MCTP1: variants seen among roughly 807,000 people sequenced by gnomAD.
MCTP1 encodes multiple C2 and transmembrane domain-containing protein 1.
A neutral mutation model predicts 120.6 loss-of-function variants in MCTP1; 69 were observed. The observed-to-expected ratio is 0.57, with a 90% CI of 0.47 to 0.70. The LOEUF is 0.70. Ranked by LOEUF, MCTP1 falls within the 30% of genes least tolerant of loss-of-function variation. MCTP1 has a pLI of 0.00. For synonymous variants in MCTP1, 529 were observed against 493.1 expected, an observed-to-expected ratio of 1.07 and a Z score of -0.96; for missense variants, 1,203 against 1,248.8, an observed-to-expected ratio of 0.96 and a Z score of 0.55.
intron 2 of MCTP1, among the ~76,000 whole-genome samples, chr5:94,968,392 A>G (rs141921525): frequency 2.4e-3 from 362 of 152,240 alleles, no homozygotes; most frequent in South Asian, 3.5e-3. Flanking sequence ...TCTTGAGTGC[A>G]TCTTTTAGGA....
intron 1 of MCTP1, among the ~76,000 whole-genome samples, chr5:95,036,096 A>G (rs933382043): frequency 6.6e-6 from 1 of 152,126 alleles, no homozygotes; most frequent in Non-Finnish European, 1.5e-5. Context: ...AATGTCATGA[A>G]AAAGTGCATA....
intron 19 of MCTP1, among the ~76,000 whole-genome samples, chr5:94,739,962 C>T (rs993415225): frequency 2.6e-5 from 4 of 152,190 alleles, no homozygotes; most frequent in African/African-American, 2.4e-5. Flanking sequence ...GCCACTGTGC[C>T]CGGCCTGTTT....
At chr5:95,173,456 C>T (rs1747590740) in intron 1 of MCTP1, among the ~76,000 whole-genome samples, 1 of 152,120 alleles carries the variant, frequency 6.6e-6, no homozygotes, top group African/African-American at 2.4e-5. Flanking sequence ...CAAGGAGAGA[C>T]TCCTAATAAC....
chr5:94,930,505 C>G (rs2153478206), intron 6 of MCTP1, among the ~76,000 whole-genome samples: 1 of 151,996 alleles, frequency 6.6e-6, no homozygotes, highest in African/African-American at 2.4e-5. Context: ...AACTCCTGAC[C>G]TCAAGTAATC....
At chr5:95,079,383 A>G (rs776950455) in intron 1 of MCTP1, among the ~76,000 whole-genome samples, 1 of 152,132 alleles carries the variant, frequency 6.6e-6, no homozygotes, top group Non-Finnish European at 1.5e-5. Context: ...CTCCAAAACT[A>G]GAGGTTTTCT....
At chr5:94,814,985 C>T (rs1443935611) in intron 17 of MCTP1, among the ~76,000 whole-genome samples, 1 of 152,166 alleles carries the variant, frequency 6.6e-6, no homozygotes, top group Non-Finnish European at 1.5e-5. Context: ...ATAGTACCAC[C>T]TATCAGGAAA....
intron 19 of MCTP1, among the ~76,000 whole-genome samples, chr5:94,736,363 G>A (rs1319454162): frequency 6.6e-6 from 1 of 151,976 alleles, no homozygotes; most frequent in Non-Finnish European, 1.5e-5. Context: ...CATGCCTCTG[G>A]TCCCAACCAC....
intron 18 of MCTP1, chr5:94,789,120 G>A (rs1231633994): frequency 1.3e-5 from 2 of 152,166 alleles, no homozygotes; most frequent in African/African-American, 4.8e-5. Context: ...AAAGGAGTTG[G>A]GGAAGAAATC....
At chr5:94,997,638 G>A (rs904309156) in intron 2 of MCTP1, among the ~76,000 whole-genome samples, 1 of 152,154 alleles carries the variant, frequency 6.6e-6, no homozygotes, top group African/African-American at 2.4e-5. Context: ...TTCTGCCCCT[G>A]TACTACCTAT....
intron 19 of MCTP1, among the ~76,000 whole-genome samples, chr5:94,730,273 C>T (rs973831028): frequency 6.6e-6 from 1 of 152,228 alleles, no homozygotes; most frequent in African/African-American, 2.4e-5. Context: ...AATCCTCCCA[C>T]CTCAGCCTCC....
chr5:94,977,982 G>A (rs1828498862), intron 2 of MCTP1, among the ~76,000 whole-genome samples: 1 of 151,904 alleles, frequency 6.6e-6, no homozygotes, highest in African/African-American at 2.4e-5. Context: ...ATCAGATAAG[G>A]GGTTAGTTTC....
chr5:95,235,613 A>C (rs1755457507), intron 1 of MCTP1, among the ~76,000 whole-genome samples: 2 of 152,178 alleles, frequency 1.3e-5, no homozygotes, highest in Non-Finnish European at 2.9e-5. Context: ...AAAAGTTAGA[A>C]ATTTTTTTTA....
intron 17 of MCTP1, among the ~76,000 whole-genome samples, chr5:94,803,702 G>T (rs1350140890): frequency 6.6e-6 from 1 of 152,120 alleles, no homozygotes; most frequent in African/African-American, 2.4e-5. Flanking sequence ...CATAGCTAAT[G>T]ATTGTTTCAA....
intron 1 of MCTP1, among the ~76,000 whole-genome samples, chr5:95,181,001 A>T (rs74817742): frequency 0.02 from 3,089 of 152,224 alleles, 103 homozygotes; most frequent in African/African-American, 0.07. Context: ...CCTATTGCTA[A>T]AACCCTGGTC....
intron 19 of MCTP1, among the ~76,000 whole-genome samples, chr5:94,758,787 A>C (rs948054181): frequency 6.6e-6 from 1 of 152,188 alleles, no homozygotes; most frequent in African/African-American, 2.4e-5. Flanking sequence ...AAAATGCACA[A>C]TTTTGTTATC....
intron 6 of MCTP1, among the ~76,000 whole-genome samples, chr5:94,926,771 C>A (rs1262419809): frequency 6.6e-6 from 1 of 152,158 alleles, no homozygotes; most frequent in East Asian, 1.9e-4. Flanking sequence ...TATATTAGGT[C>A]TCCCCTTTTA....
In MCTP1 at chr5:94,888,942, C is replaced by T. The variant is rs868408460; in HGVS notation, c.1870G>A (p.Asp624Asn). 6.2e-7 allele frequency: 1 copy of T among 1,613,934 alleles called. No homozygotes were observed. Among genetic ancestry groups the T allele is most frequent in the East Asian group, 2.2e-5 (1 of 44,874 alleles). ...ACTTTCACCTGGAGAAATCCCACAT[C>T]TTTCAGGTTGTGAAATATCCTCAAT... ...SPLRIFHNLKDVGFLQVKVIR... is the reference protein window; with the variant it reads ...SPLRIFHNLKNVGFLQVKVIR... The change falls in exon 12 of 23, where the codon GAT becomes AAT. Residue 624 changes from aspartate to asparagine, a missense_variant. By Grantham distance (23) the Asp-to-Asn change is conservative. Around this residue, in one of 2 missense-constraint regions of MCTP1, gnomAD observed 740 missense variants for 871.1 expected, o/e 0.85. Coordinates refer to ENST00000515393, the MANE Select transcript of MCTP1 (RefSeq NM_024717.7).
At chr5:94,738,104 TAAAAC>T (rs1462409036) in intron 19 of MCTP1, among the ~76,000 whole-genome samples, 5 of 152,254 alleles carry the variant, frequency 3.3e-5, no homozygotes, top group Admixed American at 1.3e-4. Flanking sequence ...ACATTATACT[TAAAAC>T]AGTATGTTCT....
intron 19 of MCTP1, among the ~76,000 whole-genome samples, chr5:94,753,258 C>T (rs1363247147): frequency 6.6e-6 from 1 of 152,032 alleles, no homozygotes; most frequent in Non-Finnish European, 1.5e-5. Context: ...CATTATTCTA[C>T]TCCCTACACT....
Sources: gnomAD v4.1 joint callset for allele counts (sites outside exome capture counted in the v4.1 genomes callset) on GRCh38, gnomAD v4.1.1 for gene constraint, gnomAD v4.1.1 regional missense constraint, MANE v1.5 for transcripts, NCBI Gene and HGNC (gene_info 2026-07-23, HGNC 2026-07-21) for gene names.